The following KIF23 variants were observed in gnomAD, a reference collection of about 807,000 sequenced individuals.
The protein encoded by KIF23 is kinesin family member 23, also known as kinesin-like protein KIF23.
A neutral mutation model predicts 137.5 loss-of-function variants in KIF23; 30 were observed. The ratio of observed to expected loss-of-function variants is 0.22; its 90% CI spans 0.16 to 0.30. KIF23 has a LOEUF of 0.30. Ranked by LOEUF, KIF23 falls within the 10% of genes least tolerant of loss-of-function variation. The probability of loss-of-function intolerance (pLI) is 1.00; values close to 1 mark genes in which losing one functional copy is unlikely to be tolerated. For missense variants in KIF23, 920 were observed against 1,194.3 expected, an observed-to-expected ratio of 0.77 and a Z score of 3.38; for synonymous variants, 367 against 391.1, an observed-to-expected ratio of 0.94 and a Z score of 0.73.
At chr15:69,420,880 A>G (rs1383432378) in intron 3 of KIF23, among the ~76,000 whole-genome samples, 1 of 152,128 alleles carries the variant, frequency 6.6e-6, no homozygotes, top group Non-Finnish European at 1.5e-5. Flanking sequence ...TCAGCCTTCC[A>G]AAGTGGGATT....
rs150565043 is a variant in KIF23 at position 69,420,254 on chromosome 15, ACT to A, written c.211-1390_211-1389del. ...ACTCCAGCCTGGGTGACAGAGTGAG[ACT>A]CTGTTTCAAAAAAAAAAAGAAGAAA... On this transcript the variant is annotated intron_variant, in intron 3 of 23. Coordinates refer to ENST00000679126, the MANE Select transcript of KIF23 (RefSeq NM_001367805.3). Among the ~76,000 whole-genome samples, 949 of 151,584 alleles carry A rather than the reference ACT, an allele frequency of 6.3e-3. 7 individuals carry two copies. The highest frequency in any genetic ancestry group is 0.022 in the African/African-American group (896 of 41,314).
At position 69,414,491 on chromosome 15, in the gene KIF23, G is replaced by T; in HGVS notation, c.11+15G>T. The T allele has an allele frequency of 6.3e-7, 1 of 1,575,658 alleles. No individual in the cohort carries two copies. Among genetic ancestry groups the T allele is most frequent in the Non-Finnish European group, 8.6e-7 (1 of 1,160,682 alleles). On this transcript the variant is annotated intron_variant, in intron 1 of 23. Transcript: ENST00000679126. ...ATGAAGTCAGCGTGAGTACGAGGCC[G>T]CCGAGCAGGGAGAGAGGGCGGACGG...
chr15:69,416,030 A>G lies in KIF23; in HGVS notation c.48A>G (p.Lys16=). Residue 16 remains lysine, a synonymous_variant, in exon 2 of 24, where the codon AAA becomes AAG. Coordinates refer to ENST00000679126, the MANE Select transcript of KIF23 (RefSeq NM_001367805.3). ...CACCCCGGAAACCTACCGTGAAAAA[A>G]GGGTCCCAAACGAACCTTAAAGACC... ...AKTPRKPTVK[K]GSQTNLKDPV... 1 of 1,578,006 alleles carries G rather than the reference A, an allele frequency of 6.3e-7. No individual in the cohort carries two copies. The highest frequency in any genetic ancestry group is 8.6e-7 in the Non-Finnish European group (1 of 1,169,322).
At chr15:69,421,781 G>T (rs997409755) in intron 4 of KIF23, 29 bp downstream of exon 4, 1 of 1,513,190 alleles carries the variant, frequency 6.6e-7, no homozygotes, top group Non-Finnish European at 9.1e-7. Flanking sequence ...AGTTTTGTTA[G>T]ATTTTCCTTT....
Position 69,414,415 on chromosome 15 carries a change from C to T in KIF23, c.-51C>T, listed in dbSNP as rs375486311. On this transcript the variant is annotated 5_prime_UTR_variant, in exon 1 of 24. Transcript: ENST00000679126. The stretch of plus-strand genomic sequence containing the variant: ...GCCGGTCCTAACGTCCCGCAGTCTT[C>T]GCCAGCCAGCCGTCCCGCATGCGCG... 32 of 1,567,780 alleles carry T rather than the reference C, an allele frequency of 2.0e-5. No individual in the cohort carries two copies. Among genetic ancestry groups the T allele is most frequent in the African/African-American group, 2.7e-5 (2 of 73,894 alleles).
intron 3 of KIF23, among the ~76,000 whole-genome samples, chr15:69,420,054 C>G (rs1043873707): frequency 6.6e-6 from 1 of 152,080 alleles, no homozygotes; most frequent in Non-Finnish European, 1.5e-5. Flanking sequence ...TACTTGAGAT[C>G]AGGAGTTCGA....
rs369139759 is a variant in KIF23, at chr15:69,425,467, A to G, written c.776+144A>G. The stretch of plus-strand genomic sequence containing the variant: ...CTAAGCCCTCCTTGCTTCCTGAAAA[A>G]TCTGCTATTGACTATCAGTGATGGT... On this transcript the variant is annotated intron_variant, in intron 8 of 23. Transcript: ENST00000679126. 1.3e-4 allele frequency: 93 copies of G among 693,544 alleles called. No homozygotes were observed. The African/African-American group carries it at 1.5e-3, about 11-fold the overall frequency. 43.0% of individuals were successfully genotyped at this position (693,544 alleles called of 1,614,324 possible).
chr15:69,437,871 C>T (rs1001215061), intron 15 of KIF23, among the ~76,000 whole-genome samples: 16 of 152,288 alleles, frequency 1.1e-4, no homozygotes, highest in East Asian at 3.9e-4. Flanking sequence ...TTAATTAACT[C>T]GCCTAAGTCA....
chr15:69,423,077 CT>C, intron 6 of KIF23, 81 bp from the exon 7 acceptor site: 1 of 918,496 alleles, frequency 1.1e-6, no homozygotes. Flanking sequence ...GGGATTATAG[CT>C]GTGAGCCACC....
chr15:69,445,490 T>C (rs2140419662), intron 20 of KIF23, among the ~76,000 whole-genome samples: 1 of 148,956 alleles, frequency 6.7e-6, no homozygotes, highest in South Asian at 2.1e-4. Flanking sequence ...TGCCTGACTA[T>C]AGAAGAATTC....
rs911762845 is a variant in KIF23, at chr15:69,444,920, A to G, written c.2552A>G (p.His851Arg). 6 of 1,614,060 alleles carry G rather than the reference A, an allele frequency of 3.7e-6. No individual in the cohort carries two copies. Among genetic ancestry groups the G allele is most frequent in the African/African-American group, 1.3e-5 (1 of 74,926 alleles). Residue 851 changes from histidine to arginine, a missense_variant, in exon 20 of 24, where the codon CAT becomes CGT. Coordinates refer to ENST00000679126, the MANE Select transcript of KIF23 (RefSeq NM_001367805.3). This position sits in a 1 kb window ranked among gnomAD's most constrained non-coding sequence, Gnocchi z 4.2. ...CAAACTGAAACAGTCATGCAGCCAC[A>G]TGTCCCTCATGCCATCACAGTATCT... ...NMQTETVMQP[H>R]VPHAITVSVA...
intron 3 of KIF23, among the ~76,000 whole-genome samples, chr15:69,418,396 A>G (rs963841437): frequency 6.6e-6 from 1 of 152,106 alleles, no homozygotes; most frequent in Non-Finnish European, 1.5e-5. Flanking sequence ...CTCAAATTTT[A>G]CATGCCCAAA....
chr15:69,435,480 C>T lies in KIF23; in HGVS notation c.1115-3C>T, dbSNP rs199787114. On this transcript the variant is annotated splice_region_variant and splice_polypyrimidine_tract_variant and intron_variant, in intron 11 of 23. Transcript: ENST00000679126. Reference sequence around the variant, plus strand: ...ATGGCGTCTATGTATTTTTTTCTGTCAGGTAATATTAATCAGTCACTAATG... The same window carrying T: ...ATGGCGTCTATGTATTTTTTTCTGTTAGGTAATATTAATCAGTCACTAATG... 7.0e-5 allele frequency: 112 copies of T among 1,609,664 alleles called. No homozygotes were observed. In the Middle Eastern group the frequency reaches 1.2e-3, roughly 17 times the overall value.
At chr15:69,431,258 G>A (rs1309272485) in intron 11 of KIF23, among the ~76,000 whole-genome samples, 2 of 152,202 alleles carry the variant, frequency 1.3e-5, no homozygotes, top group Non-Finnish European at 2.9e-5. Context: ...GGATGCAGAG[G>A]TACATGGATT....
At chr15:69,422,163 C>CTGGA (rs1417688581) in intron 5 of KIF23, 35 bp downstream of exon 5, 11 of 1,608,210 alleles carry the variant, frequency 6.8e-6, no homozygotes, top group African/African-American at 1.3e-5. Flanking sequence ...GACTATCTTA[C>CTGGA]TGGACTAAGA....
In KIF23 at chr15:69,448,093, A is replaced by T. The variant is rs948764724; in HGVS notation, c.*286A>T. On this transcript the variant is annotated 3_prime_UTR_variant, in exon 24 of 24. Coordinates refer to ENST00000679126, the MANE Select transcript of KIF23 (RefSeq NM_001367805.3). ...TATGAATTTTTTATAATGTTTTTTT[A>T]AAATATATTTCATGTATACTTATAA... 4.5e-5 allele frequency: 11 copies of T among 242,078 alleles called. No individual in the cohort carries two copies. In the South Asian group the frequency reaches 6.3e-4, roughly 14 times the overall value. 15.0% of individuals were successfully genotyped at this position (242,078 alleles called of 1,614,324 possible).
intron 14 of KIF23, 35 bp downstream of exon 14, chr15:69,436,296 T>C: frequency 4.4e-6 from 7 of 1,593,724 alleles, no homozygotes; most frequent in Non-Finnish European, 6.0e-6. Context: ...GTCCACTCAT[T>C]GGTCTGTCTG....
chr15:69,444,782 T>G lies in KIF23; in HGVS notation c.2422-8T>G. On this transcript the variant is annotated splice_region_variant and splice_polypyrimidine_tract_variant and intron_variant, in intron 19 of 23. Transcript: ENST00000679126. This position sits in a 1 kb window ranked among gnomAD's most constrained non-coding sequence, Gnocchi z 4.2. ...TTAAATTAATTCTGGGTTATGCTTG[T>G]TTCTCAGTTACTCTTTCAACCTGAT... is the stretch of plus-strand genomic sequence containing the variant. 1.2e-6 allele frequency: 2 copies of G among 1,612,296 alleles called. No individual in the cohort carries two copies. Among genetic ancestry groups the G allele is most frequent in the Non-Finnish European group, 1.7e-6 (2 of 1,178,686 alleles).
At chr15:69,415,446 G>T (rs140395499) in intron 1 of KIF23, among the ~76,000 whole-genome samples, 2 of 152,278 alleles carry the variant, frequency 1.3e-5, no homozygotes, top group Admixed American at 6.5e-5. Context: ...CTAGAGAAAT[G>T]GTGAAATCAA....
Sources: allele counts gnomAD v4.1 joint callset (sites outside exome capture counted in the v4.1 genomes callset), GRCh38; gene constraint gnomAD v4.1.1; non-coding constraint Gnocchi (gnomAD v3.1); transcripts MANE v1.5; gene names NCBI Gene and HGNC (gene_info 2026-07-23, HGNC 2026-07-21).